Variants in JARID2 observed in about 807,000 individuals in gnomAD.
JARID2 encodes protein Jumonji.
In JARID2, 21 loss-of-function variants were observed where a neutral mutation model predicts 125.6. The ratio of observed to expected loss-of-function variants is 0.17; its 90% CI spans 0.12 to 0.24. JARID2 has a LOEUF of 0.24. JARID2 is among the 10% of genes least tolerant of loss of function. The pLI, the probability that JARID2 is intolerant of heterozygous loss-of-function variation, is 1.00. For synonymous variants in JARID2, 736 were observed against 661.6 expected (o/e 1.11, Z -1.73); for missense variants, 1,303 against 1,639.6 (o/e 0.79, Z 3.55).
chr6:15,413,000 G>GTTTTTTT (rs1561845196), intron 3 of JARID2, among the ~76,000 whole-genome samples: 14 of 65,050 alleles, frequency 2.2e-4, no homozygotes, highest in African/African-American at 7.2e-4. Flanking sequence ...GGAAGAGCTT[G>GTTTTTTT]TGTTTTTGTT....
chr6:15,372,083 GTCTC>G (rs1430469539), intron 1 of JARID2, among the ~76,000 whole-genome samples: 1 of 152,206 alleles, frequency 6.6e-6, no homozygotes, highest in Non-Finnish European at 1.5e-5. Context: ...AGGGCTTAGA[GTCTC>G]TATGATGTTG....
At chr6:15,349,982 A>G (rs1763370413) in intron 1 of JARID2, among the ~76,000 whole-genome samples, 2 of 152,094 alleles carry the variant, frequency 1.3e-5, no homozygotes, top group Admixed American at 1.3e-4. Flanking sequence ...GTGGTCCCGT[A>G]TTATTGGTTA....
chr6:15,511,870 C>T (rs1290373858), intron 13 of JARID2, among the ~76,000 whole-genome samples: 1 of 152,176 alleles, frequency 6.6e-6, no homozygotes, highest in African/African-American at 2.4e-5. Context: ...TTTGTAAGCC[C>T]AGCCTGTGGG....
intron 2 of JARID2, among the ~76,000 whole-genome samples, chr6:15,404,518 TGCACACACACACACACACACAC>T (rs1765568703): frequency 8.1e-6 from 1 of 123,130 alleles, no homozygotes; most frequent in Non-Finnish European, 1.7e-5. Flanking sequence ...CATCTTAAAG[TGCACACACACACACACACACAC>T]ACACACACAC....
intron 2 of JARID2, among the ~76,000 whole-genome samples, chr6:15,389,438 A>G (rs1764918703): frequency 6.6e-6 from 1 of 152,222 alleles, no homozygotes; most frequent in Admixed American, 6.5e-5. Context: ...CAAGGGACCC[A>G]TGCTTTTGAA....
At chr6:15,431,138 C>A (rs745825282) in intron 3 of JARID2, among the ~76,000 whole-genome samples, 33 of 152,146 alleles carry the variant, frequency 2.2e-4, no homozygotes, top group Non-Finnish European at 4.6e-4. Context: ...GCCATAATTT[C>A]TCTCCTGATT....
chr6:15,466,627 A>G (rs1375987240), intron 4 of JARID2, among the ~76,000 whole-genome samples: 1 of 152,204 alleles, frequency 6.6e-6, no homozygotes, highest in Non-Finnish European at 1.5e-5. Context: ...TTTAGGGAAG[A>G]GGGATCAACA....
intron 8 of JARID2, among the ~76,000 whole-genome samples, chr6:15,501,827 C>CATCT (rs1770751803): frequency 6.6e-6 from 1 of 152,160 alleles, no homozygotes; most frequent in Non-Finnish European, 1.5e-5. Flanking sequence ...CACGTGCACA[C>CATCT]ATCTCCATAT....
intron 1 of JARID2, among the ~76,000 whole-genome samples, chr6:15,309,357 A>T (rs1761939770): frequency 6.6e-6 from 1 of 151,994 alleles, no homozygotes; most frequent in South Asian, 2.1e-4. Flanking sequence ...TATACATTAT[A>T]AGTAGTGTGA....
Position 15,480,107 on chromosome 6 carries a change from C to G in JARID2, c.671-7200C>G, listed in dbSNP as rs939620510. Among the ~76,000 whole-genome samples, 72 of 152,166 alleles carry G rather than the reference C, an allele frequency of 4.7e-4. 1 individual carries two copies. Among genetic ancestry groups the G allele is most frequent in the Admixed American group, 4.7e-3 (72 of 15,276 alleles). On this transcript the variant is annotated intron_variant, in intron 5 of 17. Transcript: ENST00000341776. ...TATCTGGCTTGAGATCAGAAACTTGCGGTGGATCTCTTTTCCCTTGCTTAA... is the reference window on the plus strand; with the variant it reads ...TATCTGGCTTGAGATCAGAAACTTGGGGTGGATCTCTTTTCCCTTGCTTAA...
chr6:15,266,247 CTT>C (rs1329895765), intron 1 of JARID2, among the ~76,000 whole-genome samples: 1 of 152,138 alleles, frequency 6.6e-6, no homozygotes, highest in Non-Finnish European at 1.5e-5. Flanking sequence ...TATGGCCCCT[CTT>C]TTAAAGAGCT....
intron 1 of JARID2, among the ~76,000 whole-genome samples, chr6:15,371,860 G>T (rs917532385): frequency 1.3e-5 from 2 of 152,128 alleles, no homozygotes; most frequent in African/African-American, 4.8e-5. Context: ...TTGGGAGAGC[G>T]GACAGGAAGA....
At chr6:15,337,204 C>T (rs1457393334) in intron 1 of JARID2, among the ~76,000 whole-genome samples, 1 of 152,184 alleles carries the variant, frequency 6.6e-6, no homozygotes, top group Non-Finnish European at 1.5e-5. Flanking sequence ...TCTTCTCTCT[C>T]TTACATGAGA....
At chr6:15,316,022 TC>T (rs1213932334) in intron 1 of JARID2, among the ~76,000 whole-genome samples, 2 of 152,132 alleles carry the variant, frequency 1.3e-5, no homozygotes, top group Admixed American at 6.5e-5. Context: ...CTTTTTTTTT[TC>T]ATCCCGTGAA....
At chr6:15,410,799 A>C (rs1400254374) in intron 3 of JARID2, among the ~76,000 whole-genome samples, 2 of 152,202 alleles carry the variant, frequency 1.3e-5, no homozygotes, top group Non-Finnish European at 2.9e-5. Flanking sequence ...CTGAAATTAC[A>C]CTGTGTATTT....
At chr6:15,413,298 C>T (rs1251660615) in intron 3 of JARID2, among the ~76,000 whole-genome samples, 1 of 152,090 alleles carries the variant, frequency 6.6e-6, no homozygotes, top group Non-Finnish European at 1.5e-5. Flanking sequence ...CAGGTATGAG[C>T]CACTGTGCCC....
At chr6:15,383,617 C>T (rs918165477) in intron 2 of JARID2, among the ~76,000 whole-genome samples, 8 of 151,884 alleles carry the variant, frequency 5.3e-5, no homozygotes, top group Non-Finnish European at 1.2e-4. Context: ...TATTAATATC[C>T]CCCAGCCTTC....
chr6:15,326,760 G>A (rs529605350), intron 1 of JARID2, among the ~76,000 whole-genome samples: 69 of 152,308 alleles, frequency 4.5e-4, no homozygotes, highest in Non-Finnish European at 7.1e-4. Context: ...CTTGGCCTCC[G>A]AAAGTTCTGG....
chr6:15,273,099 T>C (rs1331951456), intron 1 of JARID2, among the ~76,000 whole-genome samples: 1 of 152,152 alleles, frequency 6.6e-6, no homozygotes, highest in African/African-American at 2.4e-5. Context: ...CTAGATTTTG[T>C]TGGGTCCTCA....
Sources: gnomAD v4.1 joint callset for allele counts (sites outside exome capture counted in the v4.1 genomes callset) on GRCh38, gnomAD v4.1.1 for gene constraint, MANE v1.5 for transcripts, NCBI Gene and HGNC (gene_info 2026-07-23, HGNC 2026-07-21) for gene names.